The following RGS7 variants were observed in gnomAD, a reference collection of about 807,000 sequenced individuals.
RGS7 encodes regulator of G-protein signaling 7.
A neutral mutation model predicts 81.1 loss-of-function variants in RGS7; 27 were observed. That is an observed-to-expected ratio of 0.33 (90% CI 0.25 to 0.46). The LOEUF (loss-of-function observed/expected upper bound fraction) is 0.46. RGS7 is among the 20% of genes least tolerant of loss of function. RGS7 has a pLI of 1.00. For missense variants in RGS7, 396 were observed against 607.4 expected, an observed-to-expected ratio of 0.65 and a Z score of 3.66; for synonymous variants, 208 against 207.7, an observed-to-expected ratio of 1.00 and a Z score of -0.01.
intron 3 of RGS7, among the ~76,000 whole-genome samples, chr1:240,985,045 TG>T (rs1427338658): frequency 6.6e-6 from 1 of 152,180 alleles, no homozygotes; most frequent in Non-Finnish European, 1.5e-5. Flanking sequence ...AAGGGTCAAA[TG>T]GAAAGGAGAT....
In RGS7 at chr1:241,279,480, A is replaced by G. The variant is rs1051543364; in HGVS notation, c.78+76219T>C. Among the ~76,000 whole-genome samples, 65 of 152,242 alleles carry G rather than the reference A, an allele frequency of 4.3e-4. 1 individual carries two copies. Among genetic ancestry groups the G allele is most frequent in the African/African-American group, 1.5e-3 (64 of 41,464 alleles). ...TATGTATCATGTACCTATGTCCTATATATTTTTTGTATTAAAACTTTATTG... is the reference window on the plus strand; with the variant it reads ...TATGTATCATGTACCTATGTCCTATGTATTTTTTGTATTAAAACTTTATTG... On this transcript the variant is annotated intron_variant, in intron 2 of 18. Coordinates refer to ENST00000440928, the MANE Select transcript of RGS7 (RefSeq NM_001364886.1).
chr1:241,088,069 T>C lies in RGS7; in HGVS notation c.175+10597A>G, dbSNP rs202193400. 2.0e-3 allele frequency among the ~76,000 whole-genome samples: 293 copies of C among 146,300 alleles called. 3 individuals are homozygous for C. The highest frequency in any genetic ancestry group is 2.3e-3 in the Non-Finnish European group (157 of 67,184). On this transcript the variant is annotated intron_variant, in intron 3 of 18. Transcript: ENST00000440928. ...ATATATATATATACACACACACACA[T>C]ATATATATATACATATATATATAGA...
At chr1:240,776,971 T>A in intron 18 of RGS7, among the ~76,000 whole-genome samples, 1 of 152,194 alleles carries the variant, frequency 6.6e-6, no homozygotes, top group East Asian at 1.9e-4. Context: ...GTCAACAGTG[T>A]TGCTGTTAAT....
At chr1:240,808,035 CAAAA>C (rs34236519) in intron 14 of RGS7, among the ~76,000 whole-genome samples, 1 of 66,584 alleles carries the variant, frequency 1.5e-5, no homozygotes. Context: ...AACTTCATCT[CAAAA>C]AAAAAAAAAA....
rs1295273671 is a variant in RGS7 at position 241,144,450 on chromosome 1, G to T, written c.79-45688C>A. 1.3e-5 allele frequency among the ~76,000 whole-genome samples: 2 copies of T among 152,114 alleles called. No individual in the cohort carries two copies. The highest frequency in any genetic ancestry group is 2.9e-5 in the Non-Finnish European group (2 of 68,022). On this transcript the variant is annotated intron_variant, in intron 2 of 18. Coordinates refer to ENST00000440928, the MANE Select transcript of RGS7 (RefSeq NM_001364886.1). The surrounding 1 kb of genome is among the most constrained non-coding windows in gnomAD (Gnocchi z 4.7). Reference sequence around the variant, plus strand: ...TCCATTATTACTTACTGCGGTTCACGGAAGCAGCTTTGTAAACCTACATAA... The same window carrying T: ...TCCATTATTACTTACTGCGGTTCACTGAAGCAGCTTTGTAAACCTACATAA...
At chr1:240,879,501 G>A (rs940088926) in intron 6 of RGS7, among the ~76,000 whole-genome samples, 8 of 152,116 alleles carry the variant, frequency 5.3e-5, no homozygotes, top group Non-Finnish European at 1.2e-4. Flanking sequence ...TTTGAAAGCT[G>A]TTTGTATTCC....
intron 2 of RGS7, among the ~76,000 whole-genome samples, chr1:241,267,227 G>T (rs1474735653): frequency 6.6e-6 from 1 of 152,158 alleles, no homozygotes; most frequent in Non-Finnish European, 1.5e-5. Flanking sequence ...GCTCCTGGCT[G>T]CCTGAGATGT....
intron 2 of RGS7, among the ~76,000 whole-genome samples, chr1:241,335,257 T>G (rs1469875078): frequency 4.6e-5 from 7 of 152,178 alleles, no homozygotes; most frequent in African/African-American, 1.7e-4. Flanking sequence ...CATGCACATT[T>G]CACAAATGTA....
At chr1:240,917,104 T>C (rs888792738) in intron 6 of RGS7, among the ~76,000 whole-genome samples, 1 of 152,170 alleles carries the variant, frequency 6.6e-6, no homozygotes, top group African/African-American at 2.4e-5. Flanking sequence ...AGTGGGGTGA[T>C]AGATTTAAAG....
At chr1:241,283,166 T>C (rs1428444908) in intron 2 of RGS7, among the ~76,000 whole-genome samples, 1 of 152,192 alleles carries the variant, frequency 6.6e-6, no homozygotes, top group Non-Finnish European at 1.5e-5. Flanking sequence ...GCTTCAACTG[T>C]CAAACATATG....
intron 3 of RGS7, among the ~76,000 whole-genome samples, chr1:241,092,098 A>G (rs2063923324): frequency 6.6e-6 from 1 of 152,200 alleles, no homozygotes; most frequent in Non-Finnish European, 1.5e-5. Context: ...ATAGTATTTG[A>G]TATTATTATA....
intron 5 of RGS7, among the ~76,000 whole-genome samples, chr1:240,936,231 T>C (rs1676614155): frequency 6.6e-6 from 1 of 152,194 alleles, no homozygotes; most frequent in Admixed American, 6.5e-5. Context: ...GTTTCAAGCA[T>C]TCCTGTTAAA....
intron 3 of RGS7, among the ~76,000 whole-genome samples, chr1:241,000,624 T>C (rs624331): frequency 0.18 from 26,600 of 151,782 alleles, 2,547 homozygotes; most frequent in Middle Eastern, 0.31. Context: ...GCTAATTAAT[T>C]CCTCATTTAT....
chr1:241,154,950 G>T (rs541302453), intron 2 of RGS7, among the ~76,000 whole-genome samples: 1 of 151,974 alleles, frequency 6.6e-6, no homozygotes, highest in Non-Finnish European at 1.5e-5. Context: ...AGAATGTCAC[G>T]CAGACTGAAA....
At chr1:241,071,135 C>A (rs1419124632) in intron 3 of RGS7, among the ~76,000 whole-genome samples, 1 of 152,184 alleles carries the variant, frequency 6.6e-6, no homozygotes, top group East Asian at 1.9e-4. Context: ...GGAACATACT[C>A]TTCATTTAAT....
chr1:240,987,875 C>G (rs1685906854), intron 3 of RGS7, among the ~76,000 whole-genome samples: 1 of 152,142 alleles, frequency 6.6e-6, no homozygotes, highest in African/African-American at 2.4e-5. Flanking sequence ...TTTCTATATA[C>G]TAAAAATCAT....
rs370611838 is a variant in RGS7, at chr1:241,141,008, C to A, written c.79-42246G>T. 7.2e-5 allele frequency among the ~76,000 whole-genome samples: 11 copies of A among 152,158 alleles called. No homozygotes were observed. In the East Asian group the frequency reaches 2.1e-3, roughly 29 times the overall value. On this transcript the variant is annotated intron_variant, in intron 2 of 18. Coordinates refer to ENST00000440928, the MANE Select transcript of RGS7 (RefSeq NM_001364886.1). ...TGCAGTAGGAGACAATTCCCACCAC[C>A]TTCACCCCAAACAGCATAAAAATGT... is the stretch of plus-strand genomic sequence containing the variant.
intron 3 of RGS7, among the ~76,000 whole-genome samples, chr1:240,988,741 T>A (rs1262859722): frequency 6.6e-6 from 1 of 152,164 alleles, no homozygotes. Flanking sequence ...CCCCTTGATC[T>A]AAGAAATCTC....
intron 3 of RGS7, among the ~76,000 whole-genome samples, chr1:241,028,600 G>A (rs545569205): frequency 1.4e-4 from 21 of 152,272 alleles, no homozygotes; most frequent in African/African-American, 4.3e-4. Flanking sequence ...ATCAAAGAAC[G>A]TGTTTCAGCT....
Sources: gnomAD v4.1 joint callset for allele counts (sites outside exome capture counted in the v4.1 genomes callset) on GRCh38, gnomAD v4.1.1 for gene constraint, Gnocchi (gnomAD v3.1) non-coding constraint, MANE v1.5 for transcripts, NCBI Gene and HGNC (gene_info 2026-07-23, HGNC 2026-07-21) for gene names.